Variants in PRTFDC1 observed in about 807,000 individuals in gnomAD.
PRTFDC1 encodes the protein phosphoribosyl transferase domain containing 1.
PRTFDC1 carries 38 observed loss-of-function variants against 34.6 expected under a neutral mutation model. That is an observed-to-expected ratio of 1.10 (90% CI 0.85 to 1.44). The LOEUF is 1.44. Among genes scored for constraint, PRTFDC1 ranks in the 40% most tolerant of loss-of-function variants. The pLI, the probability that PRTFDC1 is intolerant of heterozygous loss-of-function variation, is 0.00. For synonymous variants in PRTFDC1, 93 were observed against 98.1 expected, an observed-to-expected ratio of 0.95 and a Z score of 0.31; for missense variants, 270 against 283.0, an observed-to-expected ratio of 0.95 and a Z score of 0.33.
chr10:24,887,470 C>G (rs796534651), intron 3 of PRTFDC1, among the ~76,000 whole-genome samples: 3 of 131,694 alleles, frequency 2.3e-5, no homozygotes, highest in African/African-American at 8.2e-5. Context: ...GGCTTCCCCC[C>G]TCTCCCTTCG....
chr10:24,875,336 A>G (rs1847944497), intron 3 of PRTFDC1, among the ~76,000 whole-genome samples: 1 of 152,202 alleles, frequency 6.6e-6, no homozygotes, highest in African/African-American at 2.4e-5. Flanking sequence ...GCTGTGCAAT[A>G]GAACACCAGA....
chr10:24,936,003 A>G (rs1849044893), intron 3 of PRTFDC1, among the ~76,000 whole-genome samples: 1 of 152,202 alleles, frequency 6.6e-6, no homozygotes, highest in Non-Finnish European at 1.5e-5. Context: ...CCATGCTCAG[A>G]TTTCTGACCT....
At chr10:24,893,270 CTT>C (rs755224388) in intron 3 of PRTFDC1, among the ~76,000 whole-genome samples, 8 of 151,336 alleles carry the variant, frequency 5.3e-5, no homozygotes, top group Non-Finnish European at 7.4e-5. Flanking sequence ...CTCTCTCTCT[CTT>C]TCTCTCTCTC....
At chr10:24,927,898 T>TA in intron 3 of PRTFDC1, among the ~76,000 whole-genome samples, 1 of 152,158 alleles carries the variant, frequency 6.6e-6, no homozygotes, top group East Asian at 1.9e-4. Context: ...CCAAGATTTT[T>TA]AAATGACCAA....
rs76882295 is a variant in PRTFDC1 at position 24,901,574 on chromosome 10, A to C, written c.340-29511T>G. Among the ~76,000 whole-genome samples, 54 of 152,260 alleles carry C rather than the reference A, an allele frequency of 3.5e-4. No individual in the cohort carries two copies. In the East Asian group the frequency reaches 9.5e-3, roughly 27 times the overall value. The stretch of plus-strand genomic sequence containing the variant: ...ACTCTGTCTCTACAGAAAGTTAAAA[A>C]AAAAATTGGCCAGGCATAGTGGTAC... On this transcript the variant is annotated intron_variant, in intron 3 of 8. Coordinates refer to ENST00000320152, the MANE Select transcript of PRTFDC1 (RefSeq NM_020200.7).
chr10:24,908,676 G>A (rs372611428), intron 3 of PRTFDC1: 39 of 1,602,504 alleles, frequency 2.4e-5, no homozygotes, highest in Non-Finnish European at 2.9e-5. Context: ...CTCTTCAACC[G>A]AGCACGCAGC....
chr10:24,922,495 A>G (rs1564313844), intron 3 of PRTFDC1, among the ~76,000 whole-genome samples: 1 of 152,202 alleles, frequency 6.6e-6, no homozygotes, highest in South Asian at 2.1e-4. Flanking sequence ...TGCTGTTCTC[A>G]TGATAGTGAA....
intron 2 of PRTFDC1, among the ~76,000 whole-genome samples, chr10:24,939,987 T>C (rs1451776786): frequency 6.6e-6 from 1 of 151,996 alleles, no homozygotes; most frequent in Non-Finnish European, 1.5e-5. Context: ...CATTACACAA[T>C]AATAAGGAGG....
chr10:24,922,120 A>C (rs1429482448), intron 3 of PRTFDC1, among the ~76,000 whole-genome samples: 1 of 152,214 alleles, frequency 6.6e-6, no homozygotes, highest in Non-Finnish European at 1.5e-5. Flanking sequence ...TGTTTTATAA[A>C]ATACAAATGG....
chr10:24,926,436 G>A (rs1384680937), intron 3 of PRTFDC1, among the ~76,000 whole-genome samples: 4 of 152,024 alleles, frequency 2.6e-5, no homozygotes, highest in Non-Finnish European at 5.9e-5. Context: ...GGAGTGCAGT[G>A]GCACAATCTC....
chr10:24,896,198 A>T (rs983086158), intron 3 of PRTFDC1, among the ~76,000 whole-genome samples: 1 of 152,196 alleles, frequency 6.6e-6, no homozygotes, highest in Non-Finnish European at 1.5e-5. Flanking sequence ...GAGAGGCAGC[A>T]TTACTGCCTG....
intron 3 of PRTFDC1, among the ~76,000 whole-genome samples, chr10:24,906,962 T>C (rs1318061913): frequency 1.3e-5 from 2 of 152,250 alleles, no homozygotes; most frequent in East Asian, 3.8e-4. Flanking sequence ...TATCATTATA[T>C]ACATTTAGCA....
chr10:24,890,100 A>G (rs1848234938), intron 3 of PRTFDC1, among the ~76,000 whole-genome samples: 1 of 152,160 alleles, frequency 6.6e-6, no homozygotes, highest in Non-Finnish European at 1.5e-5. Flanking sequence ...AAGTTCCAGG[A>G]CCCCTAAGGA....
chr10:24,849,771 T>C lies in PRTFDC1; in HGVS notation c.*73A>G. 1.3e-6 allele frequency: 2 copies of C among 1,490,320 alleles called. No homozygotes were observed. The highest frequency in any genetic ancestry group is 1.9e-6 in the Non-Finnish European group (2 of 1,070,140). 92.3% of individuals were successfully genotyped at this position (1,490,320 alleles called of 1,614,324 possible). ...AGTGAAGATGCCTGGGGGGACAAAC[T>C]TGACAGCTGGCTTCCCAAGTACAGG... is the stretch of plus-strand genomic sequence containing the variant. On this transcript the variant is annotated 3_prime_UTR_variant, in exon 9 of 9. Transcript: ENST00000320152.
At position 24,898,017 on chromosome 10, in the gene PRTFDC1, T is replaced by A. The variant is rs890083151; in HGVS notation, c.340-25954A>T. ...CTTGAAAAGTATGTAAAGGTGTGCA[T>A]ATCACGGGATGCTTACCAGCCATTA... On this transcript the variant is annotated intron_variant, in intron 3 of 8. Transcript: ENST00000320152. Among the ~76,000 whole-genome samples, 12 of 152,194 alleles carry A rather than the reference T, an allele frequency of 7.9e-5. 1 individual carries two copies. The highest frequency in any genetic ancestry group is 7.9e-4 in the Admixed American group (12 of 15,282).
intron 3 of PRTFDC1, among the ~76,000 whole-genome samples, chr10:24,890,383 G>T (rs16925127): frequency 6.6e-6 from 1 of 152,166 alleles, no homozygotes; most frequent in Admixed American, 6.5e-5. Context: ...TGCATACTGG[G>T]CAACTGCTGA....
intron 4 of PRTFDC1, among the ~76,000 whole-genome samples, chr10:24,859,215 C>G (rs957045405): frequency 1.3e-5 from 2 of 152,140 alleles, no homozygotes; most frequent in African/African-American, 4.8e-5. Flanking sequence ...TTCTCTTGCT[C>G]CATATCTGTC....
chr10:24,904,892 C>T (rs912651043), intron 3 of PRTFDC1, among the ~76,000 whole-genome samples: 5 of 152,204 alleles, frequency 3.3e-5, no homozygotes, highest in Admixed American at 6.5e-5. Flanking sequence ...ATGCCAACGA[C>T]TCCTCCTTTC....
At position 24,882,299 on chromosome 10, in the gene PRTFDC1, A is replaced by T. The variant is rs554809430; in HGVS notation, c.340-10236T>A. ...CTGGACTCCCCCTGGCTTCCTCTGCATGGGTGCCCCAATGACAGTATGCAT... is the reference window on the plus strand; with the variant it reads ...CTGGACTCCCCCTGGCTTCCTCTGCTTGGGTGCCCCAATGACAGTATGCAT... On this transcript the variant is annotated intron_variant, in intron 3 of 8. Coordinates refer to ENST00000320152, the MANE Select transcript of PRTFDC1 (RefSeq NM_020200.7). Among the ~76,000 whole-genome samples, 3 of 152,014 alleles carry T rather than the reference A, an allele frequency of 2.0e-5. No individual in the cohort carries two copies. The South Asian group carries it at 6.3e-4, about 32-fold the overall frequency.
Sources: allele counts gnomAD v4.1 joint callset (sites outside exome capture counted in the v4.1 genomes callset), GRCh38; gene constraint gnomAD v4.1.1; transcripts MANE v1.5; gene names NCBI Gene and HGNC (gene_info 2026-07-23, HGNC 2026-07-21).